TMEM132D: variants seen among roughly 807,000 people sequenced by gnomAD.
TMEM132D encodes mature OL transmembrane protein.
Under a neutral mutation model 62.3 loss-of-function variants are expected in TMEM132D, and 21 were observed. The observed-to-expected ratio is 0.34, with a 90% CI of 0.24 to 0.49. TMEM132D has a LOEUF of 0.49. Among genes scored for constraint, TMEM132D ranks in the 20% least tolerant of loss-of-function variants. The pLI, the probability that TMEM132D is intolerant of heterozygous loss-of-function variation, is 0.99. For synonymous variants in TMEM132D, 621 were observed against 575.6 expected (o/e 1.08, Z -1.13); for missense variants, 1,346 against 1,402.8 (o/e 0.96, Z 0.65).
At chr12:129,612,079 G>C (rs1593088280) in intron 2 of TMEM132D, among the ~76,000 whole-genome samples, 1 of 152,276 alleles carries the variant, frequency 6.6e-6, no homozygotes, top group African/African-American at 2.4e-5. Context: ...GGTGGACCAA[G>C]GACAGAAGAA....
intron 3 of TMEM132D, among the ~76,000 whole-genome samples, chr12:129,419,951 C>T (rs772595196): frequency 1.3e-5 from 2 of 152,114 alleles, no homozygotes; most frequent in Non-Finnish European, 2.9e-5. Flanking sequence ...AAAATATTCC[C>T]AGTTGACCAT....
chr12:129,619,112 C>A (rs189832587), intron 2 of TMEM132D, among the ~76,000 whole-genome samples: 1 of 152,272 alleles, frequency 6.6e-6, no homozygotes, highest in African/African-American at 2.4e-5. Flanking sequence ...TCTTATCAGA[C>A]TTAAGGTCAG....
At chr12:129,794,088 CTTTTTT>C (rs1303892006) in intron 1 of TMEM132D, among the ~76,000 whole-genome samples, 3 of 128,274 alleles carry the variant, frequency 2.3e-5, no homozygotes, top group African/African-American at 8.6e-5. Flanking sequence ...TTTTTTTTTT[CTTTTTT>C]TTAATTTTTT....
At chr12:129,183,366 C>T (rs1878119811) in intron 5 of TMEM132D, among the ~76,000 whole-genome samples, 1 of 152,240 alleles carries the variant, frequency 6.6e-6, no homozygotes, top group African/African-American at 2.4e-5. Flanking sequence ...CCGTCATTAT[C>T]TTCTGCCTAT....
intron 1 of TMEM132D, among the ~76,000 whole-genome samples, chr12:129,793,758 T>C (rs1871471041): frequency 6.6e-6 from 1 of 152,224 alleles, no homozygotes; most frequent in South Asian, 2.1e-4. Context: ...ATCTGAAATT[T>C]AGGAGTACCC....
intron 2 of TMEM132D, among the ~76,000 whole-genome samples, chr12:129,677,330 A>G (rs1332087445): frequency 6.6e-6 from 1 of 152,198 alleles, no homozygotes; most frequent in East Asian, 1.9e-4. Context: ...CACCATCCAC[A>G]TAAGACGTGA....
At chr12:129,209,927 TTG>T in intron 4 of TMEM132D, 1 of 469,748 alleles carries the variant, frequency 2.1e-6, no homozygotes, top group South Asian at 2.9e-5. Context: ...ATTACTAATA[TTG>T]TGTTTGGCAA....
intron 3 of TMEM132D, among the ~76,000 whole-genome samples, chr12:129,493,093 A>G (rs61945366): frequency 1.3e-5 from 2 of 152,294 alleles, no homozygotes; most frequent in East Asian, 1.9e-4. Context: ...TTGAAGGTCA[A>G]CATGTGCCTG....
intron 1 of TMEM132D, among the ~76,000 whole-genome samples, chr12:129,789,806 C>T (rs187573478): frequency 6.6e-6 from 1 of 152,304 alleles, no homozygotes; most frequent in East Asian, 1.9e-4. Context: ...CCATAGGGAG[C>T]CACACAATCT....
intron 5 of TMEM132D, among the ~76,000 whole-genome samples, chr12:129,166,552 G>C (rs980774160): frequency 6.6e-6 from 1 of 151,814 alleles, no homozygotes; most frequent in Non-Finnish European, 1.5e-5. Context: ...GTTAGCCACT[G>C]CTATGTGATT....
chr12:129,102,218 G>C lies in TMEM132D; in HGVS notation c.1444-17516C>G, dbSNP rs1875332888. Reference sequence around the variant, plus strand: ...ATTCATGAATCAGGCCAGTGAACTGGCAAATGAGTCTTGCGTACGCAGAGA... The same window carrying C: ...ATTCATGAATCAGGCCAGTGAACTGCCAAATGAGTCTTGCGTACGCAGAGA... On this transcript the variant is annotated intron_variant, in intron 5 of 8. Coordinates refer to ENST00000422113, the MANE Select transcript of TMEM132D (RefSeq NM_133448.3). Among the ~76,000 whole-genome samples the C allele has an allele frequency of 1.3e-5, 2 of 152,170 alleles. 1 individual carries two copies. The highest frequency in any genetic ancestry group is 4.1e-4 in the South Asian group (2 of 4,832).
intron 2 of TMEM132D, among the ~76,000 whole-genome samples, chr12:129,541,164 C>T (rs1876572845): frequency 6.6e-6 from 1 of 152,124 alleles, no homozygotes; most frequent in African/African-American, 2.4e-5. Flanking sequence ...AACCACTTAC[C>T]TTATTTTATT....
At chr12:129,099,806 AT>A (rs63230961) in intron 5 of TMEM132D, among the ~76,000 whole-genome samples, 37,048 of 141,212 alleles carry the variant, frequency 0.26, 6,575 homozygotes, top group Admixed American at 0.34. Flanking sequence ...AACCCACTTT[AT>A]TTTTTTTTAT....
intron 1 of TMEM132D, among the ~76,000 whole-genome samples, chr12:129,771,818 T>C (rs528942406): frequency 2.0e-5 from 3 of 152,348 alleles, no homozygotes; most frequent in African/African-American, 7.2e-5. Context: ...TTCACACACA[T>C]ATACATGCAT....
At chr12:129,879,484 G>A (rs570971683) in intron 1 of TMEM132D, among the ~76,000 whole-genome samples, 5 of 152,300 alleles carry the variant, frequency 3.3e-5, no homozygotes, top group Non-Finnish European at 4.4e-5. Context: ...ACCAATTAGC[G>A]TGAAATCAAA....
intron 2 of TMEM132D, among the ~76,000 whole-genome samples, chr12:129,547,822 C>G (rs1266653669): frequency 6.6e-6 from 1 of 152,116 alleles, no homozygotes; most frequent in Non-Finnish European, 1.5e-5. Flanking sequence ...AGAAGTTTTA[C>G]CCCATGTTAC....
At chr12:129,521,171 C>T (rs955669778) in intron 3 of TMEM132D, 3 of 152,094 alleles carry the variant, frequency 2.0e-5, no homozygotes, top group Non-Finnish European at 2.9e-5. Flanking sequence ...GGAGGATTTT[C>T]GAATTCAGGT....
chr12:129,116,918 C>CAAAAAAAAAAAAA lies in TMEM132D; in HGVS notation c.1444-32229_1444-32217dup, dbSNP rs60513263. On this transcript the variant is annotated intron_variant, in intron 5 of 8. Coordinates refer to ENST00000422113, the MANE Select transcript of TMEM132D (RefSeq NM_133448.3). ...TACCCAAATGAGCTGAAAATTTCCG[C>CAAAAAAAAAAAAA]AAAAAAAAAAAAAAAAAAAAAAAAA... Among the ~76,000 whole-genome samples, 14 of 59,044 alleles carry CAAAAAAAAAAAAA rather than the reference C, an allele frequency of 2.4e-4. 1 individual carries two copies. Among genetic ancestry groups the CAAAAAAAAAAAAA allele is most frequent in the African/African-American group, 8.0e-4 (12 of 14,920 alleles). The allele number at this position is 59,044 out of a possible 152,430, so 38.7% of individuals were successfully genotyped here.
At position 129,679,519 on chromosome 12, in the gene TMEM132D, G is replaced by A. The variant is rs573326441; in HGVS notation, c.968+20291C>T. On this transcript the variant is annotated intron_variant, in intron 2 of 8. Coordinates refer to ENST00000422113, the MANE Select transcript of TMEM132D (RefSeq NM_133448.3). ...AAGGTCAGAATGTATTCCTATATTG[G>A]ATCATCTCTGTTATTTGTGTCTGTC... 1.9e-3 allele frequency among the ~76,000 whole-genome samples: 290 copies of A among 151,896 alleles called. 1 individual carries two copies. Among genetic ancestry groups the A allele is most frequent in the African/African-American group, 6.6e-3 (275 of 41,474 alleles).
Sources: gnomAD v4.1 joint callset for allele counts (sites outside exome capture counted in the v4.1 genomes callset) on GRCh38, gnomAD v4.1.1 for gene constraint, MANE v1.5 for transcripts, NCBI Gene and HGNC (gene_info 2026-07-23, HGNC 2026-07-21) for gene names.